The following FREM3 variants were observed in gnomAD, a reference collection of about 807,000 sequenced individuals.
The protein encoded by FREM3 is FRAS1 related extracellular matrix 3, also known as FRAS1-related extracellular matrix protein 3.
A neutral mutation model predicts 129.1 loss-of-function variants in FREM3; 105 were observed. The ratio of observed to expected loss-of-function variants is 0.81; its 90% confidence interval spans 0.69 to 0.96. The LOEUF (loss-of-function observed/expected upper bound fraction) is 0.96. Ranked by LOEUF, FREM3 falls within the 40% of genes least tolerant of loss-of-function variation. The probability of loss-of-function intolerance (pLI) is 0.00; values close to 1 mark genes in which losing one functional copy is unlikely to be tolerated. For missense variants in FREM3, 2,593 were observed against 2,666.3 expected, an observed-to-expected ratio of 0.97 and a Z score of 0.61; for synonymous variants, 1,014 against 1,044.9, an observed-to-expected ratio of 0.97 and a Z score of 0.57.
chr4:143,671,992 C>T (rs1740001798), intron 2 of FREM3, among the ~76,000 whole-genome samples: 1 of 152,148 alleles, frequency 6.6e-6, no homozygotes, highest in African/African-American at 2.4e-5. Flanking sequence ...AGACCACACC[C>T]AGCTCTATCA....
At chr4:143,656,796 G>A (rs1739609126) in intron 2 of FREM3, among the ~76,000 whole-genome samples, 1 of 152,036 alleles carries the variant, frequency 6.6e-6, no homozygotes, top group South Asian at 2.1e-4. Context: ...CTTTAAGTGG[G>A]TAAATTGTAT....
At chr4:143,658,012 T>C (rs754097612) in intron 2 of FREM3, among the ~76,000 whole-genome samples, 2 of 152,210 alleles carry the variant, frequency 1.3e-5, no homozygotes, top group African/African-American at 2.4e-5. Flanking sequence ...TCCACCCTTA[T>C]TGCCACCACC....
chr4:143,664,525 G>A (rs943748565), intron 2 of FREM3, among the ~76,000 whole-genome samples: 13 of 152,128 alleles, frequency 8.5e-5, no homozygotes, highest in East Asian at 1.9e-4. Flanking sequence ...TAGGCTGCTC[G>A]TGGGTCAGGG....
At chr4:143,591,150 T>A (rs1055092960) in intron 6 of FREM3, among the ~76,000 whole-genome samples, 1 of 152,230 alleles carries the variant, frequency 6.6e-6, no homozygotes, top group Non-Finnish European at 1.5e-5. Flanking sequence ...TTGGTCTTGC[T>A]AGCAGTCTAT....
chr4:143,666,533 A>T (rs1406742721), intron 2 of FREM3, among the ~76,000 whole-genome samples: 1 of 152,192 alleles, frequency 6.6e-6, no homozygotes, highest in Non-Finnish European at 1.5e-5. Flanking sequence ...ATGTACATAC[A>T]ACGGAATATT....
Position 143,665,863 on chromosome 4 carries a change from C to T in FREM3, c.5275+27250G>A, listed in dbSNP as rs558462227. 7.1e-4 allele frequency among the ~76,000 whole-genome samples: 108 copies of T among 152,066 alleles called. 1 individual carries two copies. The highest frequency in any genetic ancestry group is 1.2e-3 in the Non-Finnish European group (79 of 67,990). ...CCTTGTGTTCTAGGATATCAAAGGC[C>T]TGATTTATCATAATTACCCACTGAA... On this transcript the variant is annotated intron_variant, in intron 2 of 7. Transcript: ENST00000329798.
chr4:143,618,793 G>A (rs4835215), intron 5 of FREM3, among the ~76,000 whole-genome samples: 13,608 of 152,118 alleles, frequency 0.089, 1,754 homozygotes, highest in African/African-American at 0.29. Context: ...CTACTCCAGA[G>A]GCTGAGGTGG....
intron 7 of FREM3, among the ~76,000 whole-genome samples, chr4:143,581,866 T>C (rs1738154009): frequency 6.6e-6 from 1 of 152,070 alleles, no homozygotes; most frequent in Non-Finnish European, 1.5e-5. Context: ...TTACTGCCAC[T>C]GTAGTGGTAC....
chr4:143,666,208 A>ACAATG (rs1240239542), intron 2 of FREM3, among the ~76,000 whole-genome samples: 1 of 152,108 alleles, frequency 6.6e-6, no homozygotes, highest in Non-Finnish European at 1.5e-5. Flanking sequence ...CCTTCATAGA[A>ACAATG]CAATGTTTCT....
rs555835172 is a variant in FREM3 at position 143,648,100 on chromosome 4, C to A, written c.5276-20340G>T. Reference sequence around the variant, plus strand: ...TGTGAGACATAGAGTCAAAGGAGATCATTTCAGAGCTTTAAGATTTGACTG... The same window carrying A: ...TGTGAGACATAGAGTCAAAGGAGATAATTTCAGAGCTTTAAGATTTGACTG... On this transcript the variant is annotated intron_variant, in intron 2 of 7. Coordinates refer to ENST00000329798, the MANE Select transcript of FREM3 (RefSeq NM_001168235.2). Among the ~76,000 whole-genome samples the A allele has an allele frequency of 1.1e-4, 17 of 152,342 alleles. 1 individual carries two copies. Among genetic ancestry groups the A allele is most frequent in the Non-Finnish European group, 4.4e-5 (3 of 68,034 alleles).
chr4:143,580,260 C>T (rs1041643284), intron 7 of FREM3, among the ~76,000 whole-genome samples: 7 of 152,062 alleles, frequency 4.6e-5, no homozygotes, highest in African/African-American at 1.7e-4. Context: ...GCAACATGAC[C>T]CACAGAGAAC....
At chr4:143,616,228 G>A (rs1295443802) in intron 5 of FREM3, among the ~76,000 whole-genome samples, 1 of 152,114 alleles carries the variant, frequency 6.6e-6, no homozygotes, top group African/African-American at 2.4e-5. Flanking sequence ...TTCAAGACTG[G>A]AGTTGAAATA....
chr4:143,679,475 A>G (rs1740212043), intron 2 of FREM3, among the ~76,000 whole-genome samples: 1 of 152,194 alleles, frequency 6.6e-6, no homozygotes, highest in Non-Finnish European at 1.5e-5. Flanking sequence ...GTAAATAGAA[A>G]ATATTTTTCT....
At position 143,699,654 on chromosome 4, in the gene FREM3, T is replaced by G. The variant is rs1036934699; in HGVS notation, c.1022A>C (p.Asp341Ala). 5.9e-6 allele frequency: 9 copies of G among 1,530,010 alleles called. No homozygotes were observed. Among genetic ancestry groups the G allele is most frequent in the Non-Finnish European group, 7.9e-6 (9 of 1,142,632 alleles). 94.8% of individuals were successfully genotyped at this position (1,530,010 alleles called of 1,614,324 possible). A position where few individuals can be genotyped will look rare whatever the true frequency, so the allele number is the denominator to read the frequency against. The change falls in exon 1 of 8, where the codon GAC (aspartate) becomes GCC (alanine). Residue 341 changes from aspartate to alanine, a missense_variant. Physicochemically the swap from Asp to Ala is moderately radical, Grantham distance 126. Around this residue, in one of 2 missense-constraint regions of FREM3, gnomAD observed 2,276 missense variants for 2,267.2 expected, o/e 1.00. Transcript: ENST00000329798. This position sits in a 1 kb window ranked among gnomAD's most constrained non-coding sequence, Gnocchi z 4.2. The part of the protein sequence containing the change: ...AAEDVESDPG[D>A]LVFNILNAPT... ...GGCGTTCAGAATGTTGAACACCAGG[T>G]CACCAGGGTCTGACTCGACGTCCTC...
Position 143,696,007 on chromosome 4 carries a change from G to C in FREM3, c.4669C>G (p.Leu1557Val), listed in dbSNP as rs1296747375. 1 of 1,537,748 alleles carries C rather than the reference G, an allele frequency of 6.5e-7. No individual in the cohort carries two copies. The highest frequency in any genetic ancestry group is 1.4e-5 in the African/African-American group (1 of 73,024). ...CTGTCTTCCACTGTCAACTCAAGGA[G>C]AGTGATCAGTTGGCTATCCTCTTTC... The part of the protein sequence containing the change: ...LQKEDSQLIT[L>V]LELTVEDSDT... Residue 1557 changes from leucine to valine, a missense_variant, in exon 1 of 8, where the codon CTC becomes GTC. Physicochemically the swap from Leu to Val is conservative, Grantham distance 32. This residue lies in a region of FREM3 where 2,276 missense variants were observed against 2,267.2 expected (regional missense o/e 1.00). Transcript: ENST00000329798.
chr4:143,625,973 T>G (rs973203752), intron 3 of FREM3, among the ~76,000 whole-genome samples: 1 of 152,134 alleles, frequency 6.6e-6, no homozygotes, highest in South Asian at 2.1e-4. Context: ...ACTGAACTCT[T>G]TTGAAAGTCA....
At chr4:143,581,345 A>T (rs1738139027) in intron 7 of FREM3, among the ~76,000 whole-genome samples, 1 of 152,200 alleles carries the variant, frequency 6.6e-6, no homozygotes, top group Non-Finnish European at 1.5e-5. Context: ...CTGCCCTCAG[A>T]CTGGGGAAGG....
Position 143,673,590 on chromosome 4 carries a change from G to C in FREM3, c.5275+19523C>G, listed in dbSNP as rs575594826. On this transcript the variant is annotated intron_variant, in intron 2 of 7. Transcript: ENST00000329798. ...TCCGTTCTCAGATCTCAAACTCCATGCTAGGAGAACCACTACTCTCTTCAA... is the reference window on the plus strand; with the variant it reads ...TCCGTTCTCAGATCTCAAACTCCATCCTAGGAGAACCACTACTCTCTTCAA... Among the ~76,000 whole-genome samples the C allele has an allele frequency of 2.0e-5, 3 of 152,308 alleles. No homozygotes were observed. The South Asian group carries it at 6.2e-4, about 32-fold the overall frequency.
In FREM3 at chr4:143,621,076, C is replaced by T. The variant is rs1738939687; in HGVS notation, c.5740G>A (p.Ala1914Thr). The T allele has an allele frequency of 6.5e-6, 10 of 1,537,292 alleles. No homozygotes were observed. Among genetic ancestry groups the T allele is most frequent in the Non-Finnish European group, 8.7e-6 (10 of 1,146,864 alleles). Residue 1914 changes from alanine (A) to threonine (T), a missense_variant, in exon 5 of 8, where the codon GCA becomes ACA. Physicochemically the swap from Ala to Thr is moderately conservative, Grantham distance 58 (BLOSUM62 0). Around this residue, in one of 2 missense-constraint regions of FREM3, gnomAD observed 317 missense variants for 399.0 expected, o/e 0.79. Coordinates refer to ENST00000329798, the MANE Select transcript of FREM3 (RefSeq NM_001168235.2). ...LLIPVRRSGDASQELIVICST... is the reference protein window; with the variant it reads ...LLIPVRRSGDTSQELIVICST... ...CAAATGACGATTAGTTCCTGGCTTG[C>T]ATCTCCAGATCGTCTTACTGGAATC...
Sources: gnomAD v4.1 joint callset for allele counts (sites outside exome capture counted in the v4.1 genomes callset) on GRCh38, gnomAD v4.1.1 for gene constraint, gnomAD v4.1.1 regional missense constraint, Gnocchi (gnomAD v3.1) non-coding constraint, MANE v1.5 for transcripts, NCBI Gene and HGNC (gene_info 2026-07-23, HGNC 2026-07-21) for gene names.